MSI2: variants seen among roughly 807,000 people sequenced by gnomAD.
MSI2 encodes RNA-binding protein Musashi homolog 2.
MSI2 carries 17 observed loss-of-function variants against 45.6 expected under a neutral mutation model. The observed-to-expected ratio is 0.37, with a 90% CI of 0.26 to 0.56. The LOEUF is 0.56. MSI2 is among the 20% of genes least tolerant of loss of function. The pLI is 0.77. For synonymous variants in MSI2, 156 were observed against 158.2 expected, an observed-to-expected ratio of 0.99 and a Z score of 0.11; for missense variants, 293 against 444.2, an observed-to-expected ratio of 0.66 and a Z score of 3.06.
At chr17:57,559,816 G>A (rs1792136012) in intron 7 of MSI2, among the ~76,000 whole-genome samples, 1 of 152,260 alleles carries the variant, frequency 6.6e-6, no homozygotes, top group African/African-American at 2.4e-5. Context: ...GAGAGAGTCT[G>A]GCCACAATGG....
chr17:57,284,562 G>C (rs943237601), intron 5 of MSI2, among the ~76,000 whole-genome samples: 13 of 152,192 alleles, frequency 8.5e-5, no homozygotes, highest in African/African-American at 2.7e-4. Flanking sequence ...GAAGAGATGG[G>C]AAGATGTGGT....
intron 6 of MSI2, among the ~76,000 whole-genome samples, chr17:57,410,890 T>A (rs1055390265): frequency 1.1e-4 from 17 of 152,356 alleles, no homozygotes; most frequent in Admixed American, 1.1e-3. Context: ...AGCTTTCTTA[T>A]GGAATGACAA....
rs776582298 is a variant in MSI2, at chr17:57,529,749, G to T, written c.454+25G>T. The T allele has an allele frequency of 1.1e-5, 17 of 1,602,464 alleles. No homozygotes were observed. The highest frequency in any genetic ancestry group is 1.4e-5 in the Non-Finnish European group (17 of 1,174,058). On this transcript the variant is annotated intron_variant, in intron 7 of 13. Coordinates refer to ENST00000284073, the MANE Select transcript of MSI2 (RefSeq NM_138962.4). The surrounding 1 kb of genome is among the most constrained non-coding windows in gnomAD (Gnocchi z 5.3). ...GGTAAGATTACCCCAGTGTAAGAGG[G>T]TTGCGTTCACCCTCTCCTGGCCTCT...
In MSI2 at chr17:57,280,547, T is replaced by C. The variant is rs1909324680; in HGVS notation, c.312+18355T>C. On this transcript the variant is annotated intron_variant, in intron 5 of 13. Transcript: ENST00000284073. The surrounding 1 kb of genome is among the most constrained non-coding windows in gnomAD (Gnocchi z 4.2). ...AGAGGCAAATTTGACTTCTCATTGA[T>C]GTGAGCAGAGCCCCCAACCCCCACC... Among the ~76,000 whole-genome samples the C allele has an allele frequency of 2.6e-5, 4 of 152,072 alleles. No homozygotes were observed. The highest frequency in any genetic ancestry group is 2.0e-4 in the Admixed American group (3 of 15,280).
At chr17:57,324,800 A>G (rs1913647429) in intron 5 of MSI2, among the ~76,000 whole-genome samples, 1 of 151,780 alleles carries the variant, frequency 6.6e-6, no homozygotes, top group African/African-American at 2.4e-5. Context: ...TCCCCACCTC[A>G]CTGACCCACT....
rs567813175 is a variant in MSI2 at position 57,444,894 on chromosome 17, A to G, written c.405+43423A>G. On this transcript the variant is annotated intron_variant, in intron 6 of 13. Coordinates refer to ENST00000284073, the MANE Select transcript of MSI2 (RefSeq NM_138962.4). ...CCACCAGCTTTTCAGGGGTTTAGATAACATGGCTTTGTGCTGATGGCCCTT... is the reference window on the plus strand; with the variant it reads ...CCACCAGCTTTTCAGGGGTTTAGATGACATGGCTTTGTGCTGATGGCCCTT... 1.8e-4 allele frequency: 28 copies of G among 152,332 alleles called. No homozygotes were observed. In the East Asian group the frequency reaches 5.2e-3, roughly 28 times the overall value. The allele number at this position is 152,332 out of a possible 1,614,324, so 9.4% of individuals were successfully genotyped here.
chr17:57,300,151 C>A (rs894458608), intron 5 of MSI2, among the ~76,000 whole-genome samples: 1 of 152,180 alleles, frequency 6.6e-6, no homozygotes, highest in Non-Finnish European at 1.5e-5. Flanking sequence ...CTGAGATGGG[C>A]AGATGGCCTT....
chr17:57,389,342 C>T (rs1330722132), intron 5 of MSI2, among the ~76,000 whole-genome samples: 1 of 152,200 alleles, frequency 6.6e-6, no homozygotes, highest in East Asian at 1.9e-4. Flanking sequence ...CACAGAGATT[C>T]AGCCTTCCCG....
chr17:57,547,137 A>G (rs755476218), intron 7 of MSI2, among the ~76,000 whole-genome samples: 32 of 152,226 alleles, frequency 2.1e-4, no homozygotes, highest in Non-Finnish European at 7.3e-5. Context: ...GCAAGTGTGC[A>G]GGACCTGGCA....
intron 5 of MSI2, among the ~76,000 whole-genome samples, chr17:57,345,429 T>TC (rs1915520964): frequency 6.6e-6 from 1 of 152,238 alleles, no homozygotes; most frequent in Admixed American, 6.5e-5. Flanking sequence ...TGTCTTGTGT[T>TC]TCTTTTTGTA....
At chr17:57,399,880 G>T (rs186249443) in intron 5 of MSI2, among the ~76,000 whole-genome samples, 5 of 152,326 alleles carry the variant, frequency 3.3e-5, no homozygotes, top group Non-Finnish European at 7.4e-5. Flanking sequence ...AGCACAGCCT[G>T]CCAGTAACCA....
At chr17:57,460,894 G>A (rs78222125) in intron 6 of MSI2, among the ~76,000 whole-genome samples, 122 of 152,166 alleles carry the variant, frequency 8.0e-4, no homozygotes, top group Non-Finnish European at 1.4e-3. Flanking sequence ...CATTTCTTCC[G>A]GCCAAAGGAG....
At chr17:57,510,496 C>T (rs1340828075) in intron 6 of MSI2, among the ~76,000 whole-genome samples, 3 of 151,770 alleles carry the variant, frequency 2.0e-5, no homozygotes, top group Admixed American at 6.6e-5. Flanking sequence ...GGCACGATCT[C>T]GGCTCACTGC....
chr17:57,625,708 C>G (rs1418642240), intron 9 of MSI2: 3 of 152,236 alleles, frequency 2.0e-5, no homozygotes, highest in African/African-American at 7.2e-5. Context: ...GTTTTGATAA[C>G]AAGCAACAGA....
chr17:57,386,125 A>G (rs1479505996), intron 5 of MSI2, among the ~76,000 whole-genome samples: 1 of 152,164 alleles, frequency 6.6e-6, no homozygotes, highest in Non-Finnish European at 1.5e-5. Context: ...TTTTTTAGAT[A>G]TAAAGATACC....
At chr17:57,699,774 C>A in the MSI2 span, among the ~76,000 whole-genome samples, 1 of 152,194 alleles carries the variant, frequency 6.6e-6, no homozygotes, top group Non-Finnish European at 1.5e-5. Context: ...TGGATGGGGG[C>A]CAAGGAGCAC....
chr17:57,296,304 G>A (rs2143505689), intron 5 of MSI2, among the ~76,000 whole-genome samples: 1 of 152,098 alleles, frequency 6.6e-6, no homozygotes, highest in South Asian at 2.1e-4. Context: ...GAGCCTTTTT[G>A]TTTGAAGCCG....
At chr17:57,598,383 A>G (rs974021818) in intron 8 of MSI2, among the ~76,000 whole-genome samples, 1 of 152,250 alleles carries the variant, frequency 6.6e-6, no homozygotes, top group Non-Finnish European at 1.5e-5. Flanking sequence ...TCTGCTTAGC[A>G]TGTGGCGCTA....
chr17:57,307,255 A>C (rs1273230970), intron 5 of MSI2, among the ~76,000 whole-genome samples: 1 of 152,164 alleles, frequency 6.6e-6, no homozygotes, highest in African/African-American at 2.4e-5. Flanking sequence ...TAACATTTCT[A>C]ATCAGTTGAC....
Sources: allele counts gnomAD v4.1 joint callset (sites outside exome capture counted in the v4.1 genomes callset), GRCh38; gene constraint gnomAD v4.1.1; non-coding constraint Gnocchi (gnomAD v3.1); transcripts MANE v1.5; gene names NCBI Gene and HGNC (gene_info 2026-07-23, HGNC 2026-07-21).